Variants in ITPR1 observed in about 807,000 individuals in gnomAD.
ITPR1 encodes inositol 1,4,5-trisphosphate receptor type 1.
A neutral mutation model predicts 318.4 loss-of-function variants in ITPR1; 96 were observed. The observed-to-expected ratio is 0.30, with a 90% CI of 0.26 to 0.36. The LOEUF (loss-of-function observed/expected upper bound fraction) is 0.36, where lower values mean the gene tolerates loss of function less well. Ranked by LOEUF, ITPR1 falls within the 10% of genes least tolerant of loss-of-function variation. The pLI is 1.00. For missense variants in ITPR1, 2,440 were observed against 3,460.2 expected (o/e 0.71, Z 7.40); for synonymous variants, 1,312 against 1,289.9 (o/e 1.02, Z -0.37).
intron 4 of ITPR1, among the ~76,000 whole-genome samples, chr3:4,587,548 G>A (rs2090030499): frequency 6.6e-6 from 1 of 152,162 alleles, no homozygotes; most frequent in East Asian, 1.9e-4. Context: ...TGGGATTACA[G>A]GCATGAGCCA....
At chr3:4,700,046 G>C (rs6770659) in intron 35 of ITPR1, 105 bp downstream of exon 35, 10 of 956,826 alleles carry the variant, frequency 1.0e-5, no homozygotes, top group Non-Finnish European at 1.6e-5. Flanking sequence ...GGTCTGCAAG[G>C]CATTAATACA....
chr3:4,710,268 C>T lies in ITPR1; in HGVS notation c.4843-57C>T. The T allele has an allele frequency of 1.4e-6, 2 of 1,441,136 alleles. No individual in the cohort carries two copies. The highest frequency in any genetic ancestry group is 3.0e-5 in the South Asian group (2 of 66,304). The allele number at this position is 1,441,136 out of a possible 1,614,324, so 89.3% of individuals were successfully genotyped here. A position where few individuals can be genotyped will look rare whatever the true frequency, so the allele number is the denominator to read the frequency against. ...TTTAGGGCAGAAATCAATGTCCTCA[C>T]CCTCCTGTGGTCAGCGTCTGCCTGA... is the stretch of plus-strand genomic sequence containing the variant. On this transcript the variant is annotated intron_variant, in intron 37 of 61. Transcript: ENST00000649015. This position sits in a 1 kb window ranked among gnomAD's most constrained non-coding sequence, Gnocchi z 4.2.
chr3:4,554,133 C>G (rs1575512750), intron 4 of ITPR1, among the ~76,000 whole-genome samples: 3 of 152,334 alleles, frequency 2.0e-5, no homozygotes, highest in Admixed American at 2.0e-4. Context: ...GCAGTGAGGG[C>G]AATCCCATCT....
chr3:4,652,033 C>G, intron 10 of ITPR1, 90 bp from the exon 11 acceptor site: 1 of 957,426 alleles, frequency 1.0e-6, no homozygotes, highest in Non-Finnish European at 1.6e-6. Context: ...TATAAACATC[C>G]CTCCTGAACT....
chr3:4,839,156 T>C (rs1460137033), intron 61 of ITPR1, among the ~76,000 whole-genome samples: 2 of 152,164 alleles, frequency 1.3e-5, no homozygotes, highest in African/African-American at 4.8e-5. Context: ...GGAGAAACCC[T>C]GTCTTTACTA....
At chr3:4,814,611 G>GGGGGGGGT in intron 58 of ITPR1, 49 bp downstream of exon 58, 1 of 707,944 alleles carries the variant, frequency 1.4e-6, no homozygotes, top group Non-Finnish European at 2.4e-6. Flanking sequence ...GGGTGGGGTG[G>GGGGGGGGT]TTGGTGGGAG....
At chr3:4,624,354 A>C (rs1355873743) in intron 4 of ITPR1, among the ~76,000 whole-genome samples, 2 of 152,230 alleles carry the variant, frequency 1.3e-5, no homozygotes, top group Non-Finnish European at 2.9e-5. Context: ...ATTCTGGCCC[A>C]ACCCAGTTTC....
intron 4 of ITPR1, among the ~76,000 whole-genome samples, chr3:4,582,736 T>A (rs1467777178): frequency 7.3e-6 from 1 of 136,504 alleles, no homozygotes; most frequent in African/African-American, 2.5e-5. Context: ...ATCTGTTAGA[T>A]TTTTTCTGGG....
chr3:4,558,611 A>G (rs1425849749), intron 4 of ITPR1, among the ~76,000 whole-genome samples: 1 of 152,188 alleles, frequency 6.6e-6, no homozygotes, highest in Non-Finnish European at 1.5e-5. Context: ...AAATGAAAAC[A>G]TACATAGGCA....
intron 4 of ITPR1, among the ~76,000 whole-genome samples, chr3:4,600,427 T>A (rs1483107557): frequency 2.6e-5 from 4 of 152,144 alleles, no homozygotes; most frequent in African/African-American, 9.7e-5. Flanking sequence ...GATGGGCTCT[T>A]TGAGGGCCCA....
At chr3:4,633,152 G>C (rs2093068572) in intron 5 of ITPR1, among the ~76,000 whole-genome samples, 1 of 151,902 alleles carries the variant, frequency 6.6e-6, no homozygotes, top group African/African-American at 2.4e-5. Context: ...TGGCCAGGAT[G>C]GTCTCGATCT....
chr3:4,609,924 G>A (rs979887046), intron 4 of ITPR1, among the ~76,000 whole-genome samples: 5 of 152,180 alleles, frequency 3.3e-5, no homozygotes, highest in South Asian at 2.1e-4. Context: ...AGCAGGACAC[G>A]TGAGGAAAAG....
intron 54 of ITPR1, among the ~76,000 whole-genome samples, chr3:4,802,626 C>A (rs1320015230): frequency 6.6e-6 from 1 of 151,956 alleles, no homozygotes; most frequent in Non-Finnish European, 1.5e-5. Context: ...AGTTCAAGAC[C>A]AGCCTGGCCA....
At chr3:4,784,011 T>C in intron 51 of ITPR1, 91 bp downstream of exon 51, 3 of 861,558 alleles carry the variant, frequency 3.5e-6, no homozygotes, top group Non-Finnish European at 5.5e-6. Context: ...TTCATTCATC[T>C]GAGCAATGGA....
At chr3:4,604,680 C>T (rs947098454) in intron 4 of ITPR1, among the ~76,000 whole-genome samples, 4 of 151,864 alleles carry the variant, frequency 2.6e-5, no homozygotes, top group African/African-American at 9.7e-5. Context: ...TGGGAAGGGG[C>T]CCTGCGCAGA....
At chr3:4,801,562 G>C (rs2048232326) in intron 54 of ITPR1, among the ~76,000 whole-genome samples, 1 of 152,026 alleles carries the variant, frequency 6.6e-6, no homozygotes, top group Non-Finnish European at 1.5e-5. Flanking sequence ...TCAGGAATTT[G>C]AGACCAGCCT....
At chr3:4,668,768 A>T (rs1366169417) in intron 18 of ITPR1, among the ~76,000 whole-genome samples, 1 of 152,106 alleles carries the variant, frequency 6.6e-6, no homozygotes, top group Non-Finnish European at 1.5e-5. Flanking sequence ...GCTCGGCCTC[A>T]TTCACTTTTT....
intron 61 of ITPR1, among the ~76,000 whole-genome samples, chr3:4,841,857 A>G (rs2051370307): frequency 6.6e-6 from 1 of 152,206 alleles, no homozygotes; most frequent in South Asian, 2.1e-4. Flanking sequence ...GTAAATCAAC[A>G]TATTTGTATT....
rs1031936631 is a variant in ITPR1 at position 4,603,671 on chromosome 3, A to G, written c.164-24092A>G. Among the ~76,000 whole-genome samples, 12 of 152,140 alleles carry G rather than the reference A, an allele frequency of 7.9e-5. No individual in the cohort carries two copies. In the East Asian group the frequency reaches 1.5e-3, roughly 20 times the overall value. ...TCTTGATTTCCTGACCTCGTGTTCCACCCGCCTTGGCCTCCAAAAGTGCTG... is the reference window on the plus strand; with the variant it reads ...TCTTGATTTCCTGACCTCGTGTTCCGCCCGCCTTGGCCTCCAAAAGTGCTG... On this transcript the variant is annotated intron_variant, in intron 4 of 61. Coordinates refer to ENST00000649015, the MANE Select transcript of ITPR1 (RefSeq NM_001378452.1).
Sources: gnomAD v4.1 joint callset for allele counts (sites outside exome capture counted in the v4.1 genomes callset) on GRCh38, gnomAD v4.1.1 for gene constraint, Gnocchi (gnomAD v3.1) non-coding constraint, MANE v1.5 for transcripts, NCBI Gene and HGNC (gene_info 2026-07-23, HGNC 2026-07-21) for gene names.